Variants in CCDC178 observed in about 807,000 individuals in gnomAD.
The protein encoded by CCDC178 is coiled-coil domain containing 178.
CCDC178 carries 126 observed loss-of-function variants against 117.4 expected under a neutral mutation model. The ratio of observed to expected loss-of-function variants is 1.07; its 90% CI spans 0.93 to 1.24. The LOEUF (loss-of-function observed/expected upper bound fraction) is 1.24, where lower values mean the gene tolerates loss of function less well. CCDC178 is among the 50% of genes most tolerant of loss of function. The probability of loss-of-function intolerance (pLI) is 0.00; values close to 1 mark genes in which losing one functional copy is unlikely to be tolerated. For missense variants in CCDC178, 1,030 were observed against 986.9 expected (o/e 1.04, Z -0.59); for synonymous variants, 283 against 313.4 (o/e 0.90, Z 1.02).
intron 14 of CCDC178, among the ~76,000 whole-genome samples, chr18:33,247,949 A>T (rs551920045): frequency 6.6e-6 from 1 of 151,860 alleles, no homozygotes; most frequent in Non-Finnish European, 1.5e-5. Flanking sequence ...CCCTATGAAG[A>T]TTAGTTTAAA....
At chr18:33,151,509 AAAGAG>A (rs1358419383) in intron 20 of CCDC178, among the ~76,000 whole-genome samples, 1 of 147,190 alleles carries the variant, frequency 6.8e-6, no homozygotes, top group Non-Finnish European at 1.5e-5. Flanking sequence ...TAACATTCTC[AAAGAG>A]AAAAGAGTTC....
chr18:33,218,106 A>T (rs2059188699), intron 18 of CCDC178, among the ~76,000 whole-genome samples: 1 of 152,094 alleles, frequency 6.6e-6, no homozygotes, highest in African/African-American at 2.4e-5. Context: ...ATTATAAGAC[A>T]AACATTTAAA....
At chr18:33,219,138 T>G (rs1236366447) in intron 18 of CCDC178, among the ~76,000 whole-genome samples, 2 of 152,124 alleles carry the variant, frequency 1.3e-5, no homozygotes, top group Non-Finnish European at 2.9e-5. Context: ...GAGCAGTGGT[T>G]TGTAGTTCTC....
intron 21 of CCDC178, among the ~76,000 whole-genome samples, chr18:33,035,334 G>T (rs2056423431): frequency 6.6e-6 from 1 of 151,822 alleles, no homozygotes; most frequent in Admixed American, 6.6e-5. Context: ...CAAACAGAAG[G>T]GAGAGTAAGT....
At chr18:32,994,258 T>C (rs1334111409) in intron 21 of CCDC178, among the ~76,000 whole-genome samples, 2 of 152,208 alleles carry the variant, frequency 1.3e-5, no homozygotes. Flanking sequence ...TTTAGTTCTT[T>C]AACTTATGTT....
chr18:33,272,242 A>C (rs1184459202), intron 12 of CCDC178, among the ~76,000 whole-genome samples: 1 of 151,536 alleles, frequency 6.6e-6, no homozygotes, highest in African/African-American at 2.4e-5. Context: ...ATGAACCTTC[A>C]AAAAGTGATT....
At chr18:33,074,099 G>A (rs577423456) in intron 21 of CCDC178, among the ~76,000 whole-genome samples, 42 of 152,024 alleles carry the variant, frequency 2.8e-4, no homozygotes, top group African/African-American at 8.0e-4. Flanking sequence ...TTATGCAGTC[G>A]GGGAGGCCAG....
At chr18:33,005,961 CTT>C (rs1042411562) in intron 21 of CCDC178, among the ~76,000 whole-genome samples, 11 of 151,944 alleles carry the variant, frequency 7.2e-5, no homozygotes, top group Non-Finnish European at 1.3e-4. Context: ...AAATGGAAGA[CTT>C]AACTATTTTC....
At chr18:33,304,539 A>C (rs1422449323) in intron 11 of CCDC178, among the ~76,000 whole-genome samples, 2 of 152,224 alleles carry the variant, frequency 1.3e-5, no homozygotes, top group African/African-American at 4.8e-5. Flanking sequence ...AACTGAGTAT[A>C]GTGCACATTC....
At chr18:33,141,219 T>C (rs187350998) in intron 20 of CCDC178, among the ~76,000 whole-genome samples, 11 of 152,246 alleles carry the variant, frequency 7.2e-5, no homozygotes, top group South Asian at 2.1e-4. Flanking sequence ...GTATGGGCGA[T>C]TGAAATTCAG....
At chr18:33,403,296 A>G (rs1411786443) in intron 3 of CCDC178, among the ~76,000 whole-genome samples, 2 of 152,198 alleles carry the variant, frequency 1.3e-5, no homozygotes, top group Non-Finnish European at 2.9e-5. Context: ...TTGACCATTA[A>G]GCCAACTGGA....
At chr18:33,155,101 T>G (rs1234514173) in intron 20 of CCDC178, among the ~76,000 whole-genome samples, 1 of 152,086 alleles carries the variant, frequency 6.6e-6, no homozygotes, top group African/African-American at 2.4e-5. Flanking sequence ...TTCACCTAAA[T>G]AGACAATAAA....
In CCDC178 at chr18:33,022,738, TA is replaced by T. The variant is rs562512846; in HGVS notation, c.2389-48058del. On this transcript the variant is annotated intron_variant, in intron 21 of 22. Transcript: ENST00000383096. ...AGATGGCAGACTTATTCTCTAACAT[TA>T]ATAACTACATTAAATGTAGATAGTC... is the stretch of plus-strand genomic sequence containing the variant. Among the ~76,000 whole-genome samples, 12 of 152,200 alleles carry T rather than the reference TA, an allele frequency of 7.9e-5. No homozygotes were observed. In the East Asian group the frequency reaches 2.3e-3, roughly 29 times the overall value.
chr18:33,260,979 A>T (rs565261727), intron 14 of CCDC178, among the ~76,000 whole-genome samples: 20 of 152,334 alleles, frequency 1.3e-4, no homozygotes, highest in African/African-American at 4.3e-4. Context: ...TTAATTTTGA[A>T]AAATGGTATT....
chr18:33,426,362 A>T (rs1384261462), intron 2 of CCDC178, among the ~76,000 whole-genome samples: 3 of 152,246 alleles, frequency 2.0e-5, no homozygotes, highest in Non-Finnish European at 2.9e-5. Flanking sequence ...ATAGATGAAT[A>T]AGGCAATTTG....
intron 11 of CCDC178, among the ~76,000 whole-genome samples, chr18:33,310,006 G>T (rs1221452598): frequency 6.7e-6 from 1 of 150,282 alleles, no homozygotes; most frequent in African/African-American, 2.5e-5. Context: ...GTCTCACTCT[G>T]TCACCAGGCT....
At chr18:33,422,532 C>T (rs957250137) in intron 2 of CCDC178, among the ~76,000 whole-genome samples, 7 of 152,140 alleles carry the variant, frequency 4.6e-5, no homozygotes, top group African/African-American at 1.2e-4. Context: ...TAAATCTGTA[C>T]GGTTCAAAAT....
intron 15 of CCDC178, among the ~76,000 whole-genome samples, chr18:33,235,332 C>A (rs967882357): frequency 3.3e-5 from 5 of 152,086 alleles, no homozygotes; most frequent in African/African-American, 1.2e-4. Flanking sequence ...TTAACTGAAT[C>A]TTTGTTGGTC....
At chr18:33,137,252 C>T (rs2058140218) in intron 20 of CCDC178, among the ~76,000 whole-genome samples, 1 of 152,136 alleles carries the variant, frequency 6.6e-6, no homozygotes, top group South Asian at 2.1e-4. Flanking sequence ...ATCTATTATG[C>T]ATTGTCATTG....
Sources: allele counts gnomAD v4.1 joint callset (sites outside exome capture counted in the v4.1 genomes callset), GRCh38; gene constraint gnomAD v4.1.1; transcripts MANE v1.5; gene names NCBI Gene and HGNC (gene_info 2026-07-23, HGNC 2026-07-21).